The following MNAT1 variants were observed in gnomAD, a reference collection of about 807,000 sequenced individuals.
MNAT1 encodes the protein CDK-activating kinase assembly factor MAT1.
A neutral mutation model predicts 42.0 loss-of-function variants in MNAT1; 43 were observed. That is an observed-to-expected ratio of 1.02 (90% confidence interval 0.80 to 1.32). The LOEUF (loss-of-function observed/expected upper bound fraction) is 1.32, where lower values mean the gene tolerates loss of function less well. Among genes scored for constraint, MNAT1 ranks in the 40% most tolerant of loss-of-function variants. MNAT1 has a pLI of 0.00. For missense variants in MNAT1, 306 were observed against 350.4 expected, an observed-to-expected ratio of 0.87 and a Z score of 1.01; for synonymous variants, 118 against 120.0, an observed-to-expected ratio of 0.98 and a Z score of 0.11.
intron 1 of MNAT1, among the ~76,000 whole-genome samples, chr14:60,767,410 A>G (rs747696598): frequency 2.0e-5 from 3 of 151,966 alleles, no homozygotes; most frequent in Admixed American, 2.0e-4. Flanking sequence ...TTTTTTGGAT[A>G]CTCTACACTT....
intron 4 of MNAT1, among the ~76,000 whole-genome samples, chr14:60,809,967 C>A (rs117963217): frequency 1.3e-5 from 2 of 152,012 alleles, no homozygotes; most frequent in African/African-American, 4.8e-5. Context: ...GCAGAATTCA[C>A]CACTGCCGCT....
At chr14:60,837,134 C>T (rs183386573) in intron 6 of MNAT1, among the ~76,000 whole-genome samples, 2 of 152,334 alleles carry the variant, frequency 1.3e-5, no homozygotes, top group Non-Finnish European at 2.9e-5. Flanking sequence ...GAATTTCAAG[C>T]CAGTGTTTCT....
chr14:60,803,938 C>T (rs1266215514), intron 3 of MNAT1, among the ~76,000 whole-genome samples: 1 of 152,112 alleles, frequency 6.6e-6, no homozygotes, highest in East Asian at 1.9e-4. Context: ...TTATGACAAT[C>T]TATACATAAA....
At chr14:60,841,278 G>A (rs996699359) in intron 6 of MNAT1, among the ~76,000 whole-genome samples, 1 of 151,172 alleles carries the variant, frequency 6.6e-6, no homozygotes, top group Non-Finnish European at 1.5e-5. Flanking sequence ...TATATTTTAT[G>A]TGTGTACTTT....
At chr14:60,890,570 C>T (rs2034816832) in intron 7 of MNAT1, among the ~76,000 whole-genome samples, 1 of 152,180 alleles carries the variant, frequency 6.6e-6, no homozygotes, top group South Asian at 2.1e-4. Context: ...GTCCCAAAAT[C>T]TCAAAAGTAG....
chr14:60,870,542 T>C (rs1410871653), intron 6 of MNAT1, among the ~76,000 whole-genome samples: 1 of 152,170 alleles, frequency 6.6e-6, no homozygotes, highest in African/African-American at 2.4e-5. Flanking sequence ...AAGACCTCAC[T>C]CTTTATATAT....
At chr14:60,806,346 G>A (rs1046036687) in intron 3 of MNAT1, among the ~76,000 whole-genome samples, 1 of 152,178 alleles carries the variant, frequency 6.6e-6, no homozygotes, top group African/African-American at 2.4e-5. Context: ...CTGTTGTTCT[G>A]GGTTGAGGTT....
At chr14:60,841,929 T>C (rs188016081) in intron 6 of MNAT1, among the ~76,000 whole-genome samples, 8 of 152,256 alleles carry the variant, frequency 5.3e-5, no homozygotes, top group African/African-American at 1.9e-4. Flanking sequence ...GAACTGTTTC[T>C]GTATGAGCTT....
rs2032017658 is a variant in MNAT1, at chr14:60,796,308, C to T, written c.181C>T (p.Gln61Ter). 1.2e-6 allele frequency: 2 copies of T among 1,613,526 alleles called. No homozygotes were observed. The highest frequency in any genetic ancestry group is 1.7e-5 in the Admixed American group (1 of 59,954). Reference sequence around the variant, plus strand: ...ACTCAGAAAGAGCAACTTCAGGGTACAACTCTTTGAAGATCCCACTGTTGA... The same window carrying T: ...ACTCAGAAAGAGCAACTTCAGGGTATAACTCTTTGAAGATCCCACTGTTGA... ...TPLRKSNFRV[Q>*]LFEDPTVDKE... Residue 61 changes from glutamine to a stop codon, truncating the protein, a stop_gained, in exon 2 of 8, where the codon CAA becomes TAA. Coordinates refer to ENST00000261245, the MANE Select transcript of MNAT1 (RefSeq NM_002431.4). LOFTEE classifies it high-confidence loss of function.
chr14:60,943,060 T>TTTC (rs2036208447), intron 7 of MNAT1, among the ~76,000 whole-genome samples: 1 of 139,444 alleles, frequency 7.2e-6, no homozygotes, highest in African/African-American at 2.7e-5. Context: ...GCGCTTTTTT[T>TTTC]TTTTTTTTTT....
At chr14:60,928,921 T>G (rs1368578608) in intron 7 of MNAT1, among the ~76,000 whole-genome samples, 1 of 150,986 alleles carries the variant, frequency 6.6e-6, no homozygotes, top group Non-Finnish European at 1.5e-5. Context: ...GTGGGCAGAT[T>G]ACAGATTACG....
chr14:60,907,510 A>G lies in MNAT1; in HGVS notation c.809+27675A>G, dbSNP rs2035228193. ...AGTTTTATTTGTGTTTAAAGTTTTC[A>G]ATTGTGGGGACATTTGAAAGTTCCT... On this transcript the variant is annotated intron_variant, in intron 7 of 7. Coordinates refer to ENST00000261245, the MANE Select transcript of MNAT1 (RefSeq NM_002431.4). 1.3e-5 allele frequency among the ~76,000 whole-genome samples: 2 copies of G among 151,676 alleles called. 1 individual carries two copies. The highest frequency in any genetic ancestry group is 4.8e-5 in the African/African-American group (2 of 41,300).
intron 7 of MNAT1, among the ~76,000 whole-genome samples, chr14:60,954,185 G>C (rs1162091168): frequency 6.6e-6 from 1 of 151,946 alleles, no homozygotes; most frequent in African/African-American, 2.4e-5. Flanking sequence ...CCTATTCAAG[G>C]TCTTTTGTTA....
chr14:60,956,687 G>A lies in MNAT1; in HGVS notation c.810-11542G>A, dbSNP rs114916487. Among the ~76,000 whole-genome samples the A allele has an allele frequency of 5.2e-3, 785 of 152,108 alleles. 14 individuals are homozygous for A. The highest frequency in any genetic ancestry group is 0.018 in the African/African-American group (730 of 41,482). ...TTATGTGTTTAGGTGCTCTGACTTC[G>A]GTTCACATATATTTACATTTGTTAT... On this transcript the variant is annotated intron_variant, in intron 7 of 7. Transcript: ENST00000261245.
At chr14:60,775,030 T>G (rs2140309848) in intron 1 of MNAT1, among the ~76,000 whole-genome samples, 1 of 152,266 alleles carries the variant, frequency 6.6e-6, no homozygotes, top group Middle Eastern at 3.4e-3. Flanking sequence ...TTACAGCTGT[T>G]TAGACTGGAT....
chr14:60,878,413 G>A (rs771603205), intron 6 of MNAT1, among the ~76,000 whole-genome samples: 2 of 152,020 alleles, frequency 1.3e-5, no homozygotes, highest in African/African-American at 2.4e-5. Context: ...AAGTAAGAAG[G>A]AGCCAAGTCA....
chr14:60,853,206 C>G (rs1158642337), intron 6 of MNAT1, among the ~76,000 whole-genome samples: 1 of 152,044 alleles, frequency 6.6e-6, no homozygotes, highest in Non-Finnish European at 1.5e-5. Context: ...TTGTTTGTGT[C>G]CTCTCTTATT....
At chr14:60,870,105 G>A (rs2034296700) in intron 6 of MNAT1, among the ~76,000 whole-genome samples, 1 of 152,104 alleles carries the variant, frequency 6.6e-6, no homozygotes, top group Non-Finnish European at 1.5e-5. Context: ...ACCCGTGTCA[G>A]CATTTGCATT....
chr14:60,793,211 GT>G (rs2031886720), intron 1 of MNAT1, among the ~76,000 whole-genome samples: 1 of 151,468 alleles, frequency 6.6e-6, no homozygotes, highest in African/African-American at 2.4e-5. Flanking sequence ...TTGTTTGTTT[GT>G]TTGTTTTTTT....
Sources: gnomAD v4.1 joint callset for allele counts (sites outside exome capture counted in the v4.1 genomes callset) on GRCh38, gnomAD v4.1.1 for gene constraint, MANE v1.5 for transcripts, NCBI Gene and HGNC (gene_info 2026-07-23, HGNC 2026-07-21) for gene names.